Variants in ARCN1 observed in about 807,000 individuals in gnomAD.
ARCN1 encodes the protein coatomer subunit delta.
In ARCN1, 5 loss-of-function variants were observed where a neutral mutation model predicts 60.4. The observed-to-expected ratio is 0.08, with a 90% confidence interval of 0.04 to 0.17. ARCN1 has a LOEUF of 0.17. Among genes scored for constraint, ARCN1 ranks in the 10% least tolerant of loss-of-function variants. ARCN1 has a pLI of 1.00. For synonymous variants in ARCN1, 224 were observed against 220.0 expected, an observed-to-expected ratio of 1.02 and a Z score of -0.16; for missense variants, 464 against 626.5, an observed-to-expected ratio of 0.74 and a Z score of 2.77.
At chr11:118,589,380 T>C (rs1264296007) in intron 5 of ARCN1, among the ~76,000 whole-genome samples, 1 of 150,148 alleles carries the variant, frequency 6.7e-6, no homozygotes, top group Non-Finnish European at 1.5e-5. Context: ...TTCAGTTGTT[T>C]GTTTTCTCAC....
chr11:118,592,430 G>A (rs1475621385), intron 6 of ARCN1, among the ~76,000 whole-genome samples: 2 of 151,912 alleles, frequency 1.3e-5, no homozygotes, highest in East Asian at 3.9e-4. Flanking sequence ...GAAAGAACTT[G>A]GTTAATAGTC....
At position 118,601,423 on chromosome 11, in the gene ARCN1, G is replaced by T; in HGVS notation, c.*709G>T. The T allele has an allele frequency of 1.7e-6, 1 of 600,324 alleles. No individual in the cohort carries two copies. The allele number at this position is 600,324 out of a possible 1,614,324, so 37.2% of individuals were successfully genotyped here. On this transcript the variant is annotated 3_prime_UTR_variant, in exon 10 of 10. Transcript: ENST00000264028. The stretch of plus-strand genomic sequence containing the variant: ...TATAGTTATATTTCATACTTAGTTT[G>T]TTTTTAAAAAGTTTTCTCTGTAGAA...
intron 2 of ARCN1, 115 bp from the exon 3 acceptor site, chr11:118,583,064 G>C (rs893802562): frequency 1.7e-6 from 2 of 1,198,630 alleles, no homozygotes; most frequent in Non-Finnish European, 2.4e-6. Flanking sequence ...AAGACTAGAA[G>C]TAGCTAATAA....
rs1808010757 is a variant in ARCN1, at chr11:118,602,400, T to C, written c.*1686T>C. The C allele has an allele frequency of 6.5e-6, 1 of 153,992 alleles. No homozygotes were observed. The highest frequency in any genetic ancestry group is 2.4e-5 in the African/African-American group (1 of 41,590). 9.5% of individuals were successfully genotyped at this position (153,992 alleles called of 1,614,324 possible). ...GTCCATAGGGGTGGTTAAAAGTTGC[T>C]GCAAGGCTGCAGGCACTGGCAGTGG... On this transcript the variant is annotated 3_prime_UTR_variant, in exon 10 of 10. Coordinates refer to ENST00000264028, the MANE Select transcript of ARCN1 (RefSeq NM_001655.5).
In ARCN1 at chr11:118,572,498, C is replaced by T; in HGVS notation, c.-50C>T. 1 of 1,608,772 alleles carries T rather than the reference C, an allele frequency of 6.2e-7. No individual in the cohort carries two copies. The highest frequency in any genetic ancestry group is 8.5e-7 in the Non-Finnish European group (1 of 1,177,482). ...TGCTCCCGTTCCCCAGACCCTACCC[C>T]TATCCCCAGTGGAGCCGGAGTGCGG... On this transcript the variant is annotated 5_prime_UTR_variant, in exon 1 of 10. Transcript: ENST00000264028.
chr11:118,581,801 T>C (rs1938655220), intron 2 of ARCN1, among the ~76,000 whole-genome samples: 2 of 151,096 alleles, frequency 1.3e-5, no homozygotes, highest in East Asian at 2.3e-4. Flanking sequence ...TTTTAGGTAA[T>C]GTTTTTTAGG....
intron 8 of ARCN1, 152 bp downstream of exon 8, chr11:118,593,850 A>G: frequency 5.8e-6 from 3 of 514,686 alleles, no homozygotes; most frequent in South Asian, 5.2e-5. Flanking sequence ...AAAAGGCTGC[A>G]TGTTATGTGA....
At chr11:118,597,213 A>C (rs1939045335) in intron 8 of ARCN1, among the ~76,000 whole-genome samples, 3 of 152,350 alleles carry the variant, frequency 2.0e-5, no homozygotes, top group Middle Eastern at 3.4e-3. Flanking sequence ...CTCAAAAAAC[A>C]AATGAACAAG....
intron 3 of ARCN1, 41 bp downstream of exon 3, chr11:118,583,399 T>G (rs1555074961): frequency 6.4e-6 from 10 of 1,553,334 alleles, no homozygotes; most frequent in Non-Finnish European, 8.7e-6. Flanking sequence ...TTGTATGTCT[T>G]TCTCTTAGGC....
chr11:118,585,426 C>T (rs1555075347), intron 5 of ARCN1, among the ~76,000 whole-genome samples: 1 of 147,726 alleles, frequency 6.8e-6, no homozygotes, highest in Non-Finnish European at 1.5e-5. Context: ...CTATGGTGAC[C>T]CCACACTGTA....
At chr11:118,573,404 C>G (rs1260152669) in intron 1 of ARCN1, among the ~76,000 whole-genome samples, 2 of 152,070 alleles carry the variant, frequency 1.3e-5, no homozygotes, top group Non-Finnish European at 1.5e-5. Flanking sequence ...TCATCTGTTA[C>G]AAGGATGAGA....
At chr11:118,592,668 C>CT (rs782590038) in intron 6 of ARCN1, 41 bp from the exon 7 acceptor site, 18 of 1,563,250 alleles carry the variant, frequency 1.2e-5, no homozygotes, top group African/African-American at 8.2e-5. Context: ...TGTTTCTCGT[C>CT]TATCTGAACC....
intron 1 of ARCN1, among the ~76,000 whole-genome samples, chr11:118,574,467 A>G (rs1218279149): frequency 2.6e-5 from 4 of 152,186 alleles, no homozygotes; most frequent in East Asian, 3.8e-4. Flanking sequence ...GAATACCCAT[A>G]TAACCACCAA....
chr11:118,592,404 C>G (rs1938932094), intron 6 of ARCN1, among the ~76,000 whole-genome samples: 1 of 152,122 alleles, frequency 6.6e-6, no homozygotes, highest in South Asian at 2.1e-4. Flanking sequence ...AACCTGCTCC[C>G]TGTGAAGTAT....
chr11:118,583,785 A>G (rs1555075012), intron 3 of ARCN1, 24 bp from the exon 4 acceptor site: 4 of 1,607,988 alleles, frequency 2.5e-6, no homozygotes, highest in Admixed American at 1.7e-5. Context: ...AAAAAGCTAC[A>G]TTAATGTATG....
intron 1 of ARCN1, 124 bp downstream of exon 1, chr11:118,572,674 C>A: frequency 7.6e-7 from 1 of 1,311,272 alleles, no homozygotes; most frequent in Non-Finnish European, 1.1e-6. Flanking sequence ...TGCTTTTGCT[C>A]CGGGCTCGGG....
At chr11:118,580,562 T>G (rs1362370460) in intron 1 of ARCN1, among the ~76,000 whole-genome samples, 1 of 152,206 alleles carries the variant, frequency 6.6e-6, no homozygotes, top group Admixed American at 6.5e-5. Context: ...CATAAAAATA[T>G]ATTACCATGA....
chr11:118,600,552 G>A lies in ARCN1; in HGVS notation c.1447-73G>A, dbSNP rs782519883. On this transcript the variant is annotated intron_variant, in intron 9 of 9. Coordinates refer to ENST00000264028, the MANE Select transcript of ARCN1 (RefSeq NM_001655.5). The stretch of plus-strand genomic sequence containing the variant: ...GCTTTTAGGGAAATTGATATGTTCT[G>A]TAATGAGAATGTAGTCAACATGATG... The A allele has an allele frequency of 9.5e-5, 94 of 994,418 alleles. 1 individual carries two copies. The highest frequency in any genetic ancestry group is 1.4e-4 in the Non-Finnish European group (93 of 648,906). 61.6% of individuals were successfully genotyped at this position (994,418 alleles called of 1,614,324 possible).
At chr11:118,593,310 C>T (rs1938952649) in intron 7 of ARCN1, among the ~76,000 whole-genome samples, 1 of 151,978 alleles carries the variant, frequency 6.6e-6, no homozygotes, top group Admixed American at 6.6e-5. Flanking sequence ...CTCATTACAA[C>T]CTTGAACTCC....
Sources: gnomAD v4.1 joint callset for allele counts (sites outside exome capture counted in the v4.1 genomes callset) on GRCh38, gnomAD v4.1.1 for gene constraint, MANE v1.5 for transcripts, NCBI Gene and HGNC (gene_info 2026-07-23, HGNC 2026-07-21) for gene names.